The following KSR2 variants were observed in gnomAD, a reference collection of about 807,000 sequenced individuals.
The protein encoded by KSR2 is kinase suppressor of ras 2.
In KSR2, 25 loss-of-function variants were observed where a neutral mutation model predicts 107.8. The observed-to-expected ratio is 0.23, with a 90% CI of 0.17 to 0.32. The LOEUF is 0.32. KSR2 is among the 10% of genes least tolerant of loss of function. The pLI is 1.00. For synonymous variants in KSR2, 480 were observed against 507.0 expected (o/e 0.95, Z 0.71); for missense variants, 887 against 1,268.9 (o/e 0.70, Z 4.57).
At chr12:117,737,078 G>A (rs747235944) in intron 4 of KSR2, among the ~76,000 whole-genome samples, 1 of 152,126 alleles carries the variant, frequency 6.6e-6, no homozygotes, top group Non-Finnish European at 1.5e-5. Flanking sequence ...CACCTGTGTG[G>A]CCTCATGAGT....
chr12:117,569,049 T>C (rs771592887), intron 7 of KSR2, among the ~76,000 whole-genome samples: 14 of 152,194 alleles, frequency 9.2e-5, no homozygotes, highest in Non-Finnish European at 1.9e-4. Flanking sequence ...ATTTCCCCAC[T>C]TTTTAAGGTC....
intron 3 of KSR2, among the ~76,000 whole-genome samples, chr12:117,804,420 C>A (rs1890943550): frequency 6.6e-6 from 1 of 152,152 alleles, no homozygotes; most frequent in Non-Finnish European, 1.5e-5. Context: ...GCCTTTGAAG[C>A]CTAAAATCTT....
intron 4 of KSR2, among the ~76,000 whole-genome samples, chr12:117,677,963 C>T (rs1002147188): frequency 3.9e-5 from 6 of 152,078 alleles, no homozygotes; most frequent in African/African-American, 1.4e-4. Context: ...GAGACAGAGT[C>T]TCGCTCTGTT....
At chr12:117,599,065 T>C (rs77211258) in intron 5 of KSR2, among the ~76,000 whole-genome samples, 1,839 of 152,292 alleles carry the variant, frequency 0.012, 37 homozygotes, top group African/African-American at 0.043. Flanking sequence ...AGTGTTTTAA[T>C]TTACCTAGAA....
chr12:117,548,861 C>A (rs1565895228), intron 9 of KSR2, among the ~76,000 whole-genome samples: 1 of 152,150 alleles, frequency 6.6e-6, no homozygotes, highest in African/African-American at 2.4e-5. Context: ...TGTAGACAAA[C>A]AAATGGATAC....
intron 12 of KSR2, among the ~76,000 whole-genome samples, chr12:117,527,352 C>CAG (rs1279599982): frequency 1.4e-5 from 2 of 144,402 alleles, no homozygotes; most frequent in African/African-American, 5.4e-5. Flanking sequence ...CACACAGACA[C>CAG]ACACACACAC....
intron 3 of KSR2, among the ~76,000 whole-genome samples, chr12:117,823,930 T>A (rs936873974): frequency 6.6e-6 from 1 of 152,138 alleles, no homozygotes; most frequent in Non-Finnish European, 1.5e-5. Context: ...AGTCAGTATA[T>A]CAAAGGGCTG....
intron 1 of KSR2, among the ~76,000 whole-genome samples, chr12:117,928,351 T>A (rs1034598970): frequency 6.6e-6 from 1 of 152,020 alleles, no homozygotes; most frequent in African/African-American, 2.4e-5. Flanking sequence ...CCCGGCTAAT[T>A]TTTTGTAATT....
At chr12:117,630,286 C>T (rs2136369377) in intron 5 of KSR2, among the ~76,000 whole-genome samples, 1 of 152,196 alleles carries the variant, frequency 6.6e-6, no homozygotes, top group Non-Finnish European at 1.5e-5. Flanking sequence ...GAGAGAACAG[C>T]ATGTGCAAAA....
At position 117,530,713 on chromosome 12, in the gene KSR2, C is replaced by T. The variant is rs138990079; in HGVS notation, c.1802+228G>A. ...GTCAGAGACACAAGGCATAGCTGCTCGTGAGGAACAGCATTGCCTCTCTCT... is the reference window on the plus strand; with the variant it reads ...GTCAGAGACACAAGGCATAGCTGCTTGTGAGGAACAGCATTGCCTCTCTCT... On this transcript the variant is annotated intron_variant, in intron 12 of 19. Transcript: ENST00000339824. Among the ~76,000 whole-genome samples, 974 of 152,236 alleles carry T rather than the reference C, an allele frequency of 6.4e-3. 11 individuals are homozygous for T. Among genetic ancestry groups the T allele is most frequent in the African/African-American group, 0.022 (906 of 41,532 alleles).
chr12:117,832,393 T>A (rs1029064147), intron 3 of KSR2, among the ~76,000 whole-genome samples: 1 of 152,198 alleles, frequency 6.6e-6, no homozygotes, highest in South Asian at 2.1e-4. Context: ...AATTCCCCCC[T>A]CTTCTTTGCT....
intron 3 of KSR2, among the ~76,000 whole-genome samples, chr12:117,762,102 A>G (rs1401222466): frequency 1.3e-5 from 2 of 152,230 alleles, no homozygotes; most frequent in African/African-American, 4.8e-5. Context: ...ACTGCCCCAT[A>G]GCTGGGAAGA....
At chr12:117,682,582 C>T (rs1885413948) in intron 4 of KSR2, among the ~76,000 whole-genome samples, 1 of 151,842 alleles carries the variant, frequency 6.6e-6, no homozygotes, top group South Asian at 2.1e-4. Context: ...CACACCAGGG[C>T]TAATTTTTCA....
At chr12:117,601,835 G>A (rs1880972444) in intron 5 of KSR2, among the ~76,000 whole-genome samples, 2 of 152,198 alleles carry the variant, frequency 1.3e-5, no homozygotes, top group South Asian at 4.1e-4. Context: ...ACAAGAGCCT[G>A]CCAACCTTCC....
chr12:117,886,872 A>T (rs925537935), intron 1 of KSR2, among the ~76,000 whole-genome samples: 1 of 151,724 alleles, frequency 6.6e-6, no homozygotes, highest in African/African-American at 2.4e-5. Context: ...CTGGCTTATT[A>T]AAAAAAATAG....
intron 1 of KSR2, among the ~76,000 whole-genome samples, chr12:117,914,698 C>T (rs4766887): frequency 6.6e-6 from 1 of 152,128 alleles, no homozygotes; most frequent in African/African-American, 2.4e-5. Context: ...CCACACCTGG[C>T]TAATTTTTAA....
chr12:117,761,464 T>A lies in KSR2; in HGVS notation c.533A>T (p.Glu178Val), dbSNP rs1889018574. 1.2e-6 allele frequency: 2 copies of A among 1,613,028 alleles called. No homozygotes were observed. Among genetic ancestry groups the A allele is most frequent in the Non-Finnish European group, 1.7e-6 (2 of 1,179,650 alleles). Residue 178 changes from glutamate (E) to valine (V), a missense_variant, in exon 4 of 20, where the codon GAG becomes GTG. Transcript: ENST00000339824. ...IQWPTTETGK[E>V]NNPVCPPEPT... ...CTCCGGGGGGCACACGGGATTGTTC[T>A]CCTTCCCCGTCTCTGTCGTGGGCCA...
chr12:117,470,077 A>G (rs1299636526), intron 18 of KSR2, among the ~76,000 whole-genome samples: 4 of 151,610 alleles, frequency 2.6e-5, no homozygotes, highest in Non-Finnish European at 5.9e-5. Context: ...TCCTTCATCC[A>G]TCCATCCACC....
At chr12:117,538,116 T>C (rs1876180520) in intron 10 of KSR2, among the ~76,000 whole-genome samples, 1 of 151,998 alleles carries the variant, frequency 6.6e-6, no homozygotes, top group South Asian at 2.1e-4. Flanking sequence ...TTTTTTTCCC[T>C]TCATCCCCTT....
Sources: gnomAD v4.1 joint callset for allele counts (sites outside exome capture counted in the v4.1 genomes callset) on GRCh38, gnomAD v4.1.1 for gene constraint, MANE v1.5 for transcripts, NCBI Gene and HGNC (gene_info 2026-07-23, HGNC 2026-07-21) for gene names.